Variants in NID1 observed in about 807,000 individuals in gnomAD.
NID1 encodes nidogen-1.
A neutral mutation model predicts 130.6 loss-of-function variants in NID1; 76 were observed. The ratio of observed to expected loss-of-function variants is 0.58; its 90% CI spans 0.48 to 0.70. NID1 has a LOEUF of 0.70. Ranked by LOEUF, NID1 falls within the 30% of genes least tolerant of loss-of-function variation. The pLI is 0.00. For synonymous variants in NID1, 665 were observed against 675.1 expected, an observed-to-expected ratio of 0.98 and a Z score of 0.23; for missense variants, 1,517 against 1,664.8, an observed-to-expected ratio of 0.91 and a Z score of 1.54.
At chr1:235,999,785 C>T (rs746862866) in intron 12 of NID1, among the ~76,000 whole-genome samples, 14 of 152,058 alleles carry the variant, frequency 9.2e-5, no homozygotes, top group Non-Finnish European at 1.6e-4. Context: ...ATTCCAAGTC[C>T]GCCTACCATC....
intron 9 of NID1, among the ~76,000 whole-genome samples, chr1:236,021,318 G>A (rs1332113049): frequency 1.3e-5 from 2 of 152,188 alleles, no homozygotes; most frequent in Non-Finnish European, 2.9e-5. Flanking sequence ...CCTCCCTAGC[G>A]ATACGTTACC....
chr1:236,059,052 T>C (rs780775579), intron 1 of NID1, among the ~76,000 whole-genome samples: 5 of 152,224 alleles, frequency 3.3e-5, no homozygotes, highest in Admixed American at 1.3e-4. Context: ...ATCCCTCTTT[T>C]CGCATACTTG....
intron 3 of NID1, among the ~76,000 whole-genome samples, chr1:236,043,544 A>G (rs757450349): frequency 1.6e-4 from 24 of 152,030 alleles, no homozygotes; most frequent in Non-Finnish European, 3.4e-4. Context: ...CACACCTGTA[A>G]TCCCAGCACT....
intron 1 of NID1, among the ~76,000 whole-genome samples, chr1:236,054,779 C>T (rs1286805469): frequency 3.3e-5 from 5 of 151,458 alleles, no homozygotes; most frequent in Non-Finnish European, 7.4e-5. Flanking sequence ...GTAGCTGGGA[C>T]TACAGGTGTG....
At chr1:236,041,804 T>C in intron 4 of NID1, 106 bp downstream of exon 4, 3 of 1,422,744 alleles carry the variant, frequency 2.1e-6, no homozygotes, top group Non-Finnish European at 2.8e-6. Flanking sequence ...CTCTTATCTT[T>C]ACAAACCACC....
intron 12 of NID1, among the ~76,000 whole-genome samples, chr1:235,999,837 A>T (rs550747739): frequency 1.7e-4 from 26 of 152,260 alleles, no homozygotes; most frequent in African/African-American, 6.3e-4. Context: ...TCCAAAGTCA[A>T]CCTATGAAAC....
At position 236,012,025 on chromosome 1, in the gene NID1, G is replaced by A. The variant is rs771262101; in HGVS notation, c.2423C>T (p.Pro808Leu). ...QACQDVDECQ[P>L]SRCHPDAFCY... is the part of the protein sequence containing the mutation. Reference sequence around the variant, plus strand: ...GAAGGCGTCAGGGTGACATCGGCTTGGCTGGCATTCATCTACATCTGTAAA... The same window carrying A: ...GAAGGCGTCAGGGTGACATCGGCTTAGCTGGCATTCATCTACATCTGTAAA... Residue 808 changes from proline to leucine, a missense_variant, in exon 12 of 20, where the codon CCA (proline) becomes CTA (leucine). This residue lies in a region of NID1 where 1,329 missense variants were observed against 1,429.2 expected (regional missense o/e 0.93). Transcript: ENST00000264187. 6.2e-7 allele frequency: 1 copy of A among 1,611,860 alleles called. No individual in the cohort carries two copies. The highest frequency in any genetic ancestry group is 2.2e-5 in the East Asian group (1 of 44,736).
At position 235,976,503 on chromosome 1, in the gene NID1, T is replaced by C. The variant is rs1010496634; in HGVS notation, c.*1364A>G. On this transcript the variant is annotated 3_prime_UTR_variant, in exon 20 of 20. Coordinates refer to ENST00000264187, the MANE Select transcript of NID1 (RefSeq NM_002508.3). ...AATCTCTTTTTTGTGATACTTTTCA[T>C]TGAATCATCTCGACTCCTTTATCCC... 2.6e-5 allele frequency: 4 copies of C among 152,214 alleles called. No individual in the cohort carries two copies. The highest frequency in any genetic ancestry group is 9.6e-5 in the African/African-American group (4 of 41,460). 9.4% of individuals were successfully genotyped at this position (152,214 alleles called of 1,614,324 possible). A position where few individuals can be genotyped will look rare whatever the true frequency, so the allele number is the denominator to read the frequency against.
At position 236,017,246 on chromosome 1, in the gene NID1, G is replaced by A; in HGVS notation, c.2156C>T (p.Ser719Leu). The change falls in exon 10 of 20, where the codon TCA becomes TTA. Residue 719 changes from serine to leucine, a missense_variant. Physicochemically the swap from Ser to Leu is moderately radical, Grantham distance 145 (BLOSUM62 -2). Coordinates refer to ENST00000264187, the MANE Select transcript of NID1 (RefSeq NM_002508.3). ...YDIDECSEQP[S>L]VCGSHTICNN... ...GCAGATTGTGTGGCTCCCACACACT[G>A]AGGGTTGTTCTGAACATTCATCAAT... 6.2e-7 allele frequency: 1 copy of A among 1,614,186 alleles called. No homozygotes were observed. The highest frequency in any genetic ancestry group is 8.5e-7 in the Non-Finnish European group (1 of 1,180,024).
intron 1 of NID1, among the ~76,000 whole-genome samples, chr1:236,054,404 C>T (rs1253537760): frequency 1.3e-5 from 2 of 151,976 alleles, no homozygotes; most frequent in Non-Finnish European, 2.9e-5. Context: ...TACAGTGAGC[C>T]GAGACTGCGT....
rs745733542 is a variant in NID1 at position 236,038,213 on chromosome 1, G to A, written c.1176C>T (p.Asn392=). ...YNTDSRQTCA[N]NRHQCSVHAE... ...CGTGCACCGAGCACTGGTGTCTGTT[G>A]TTAGCACACGTCTGGCGGGAATCCG... Residue 392 remains asparagine, a synonymous_variant, in exon 5 of 20, where the codon AAC becomes AAT. Transcript: ENST00000264187. 4.3e-6 allele frequency: 7 copies of A among 1,613,558 alleles called. No homozygotes were observed. Among genetic ancestry groups the A allele is most frequent in the Non-Finnish European group, 1.7e-6 (2 of 1,179,668 alleles).
At chr1:236,023,146 C>A (rs972602437) in intron 9 of NID1, among the ~76,000 whole-genome samples, 1 of 152,052 alleles carries the variant, frequency 6.6e-6, no homozygotes, top group South Asian at 2.1e-4. Context: ...AAAGCAGGAA[C>A]TTCAACAGAT....
chr1:235,992,273 A>T (rs1479033471), intron 13 of NID1, among the ~76,000 whole-genome samples: 1 of 152,062 alleles, frequency 6.6e-6, no homozygotes, highest in East Asian at 1.9e-4. Flanking sequence ...GACACAAACC[A>T]ATCTGGTCAA....
chr1:236,037,968 GAC>G (rs1290704364), intron 5 of NID1, 134 bp downstream of exon 5: 1 of 1,003,538 alleles, frequency 1.0e-6, no homozygotes, highest in Non-Finnish European at 1.4e-6. Context: ...AGGAAAGAGA[GAC>G]CATGTATGGC....
chr1:235,986,462 A>T (rs867924506), intron 14 of NID1, among the ~76,000 whole-genome samples: 20 of 152,170 alleles, frequency 1.3e-4, no homozygotes, highest in Middle Eastern at 3.4e-3. Context: ...ATATATAAGG[A>T]TAAACATTTT....
In NID1 at chr1:236,060,486, G is replaced by C. The variant is rs565276676; in HGVS notation, c.225+4369C>G. Among the ~76,000 whole-genome samples, 57 of 152,224 alleles carry C rather than the reference G, an allele frequency of 3.7e-4. No homozygotes were observed. The South Asian group carries it at 0.012, about 32-fold the overall frequency. The stretch of plus-strand genomic sequence containing the variant: ...AGGGAATGCAGTCCAGTAGGTCTCA[G>C]CCTCATTTTACCCAGCGCCTGTTCA... On this transcript the variant is annotated intron_variant, in intron 1 of 19. Coordinates refer to ENST00000264187, the MANE Select transcript of NID1 (RefSeq NM_002508.3).
chr1:235,989,683 A>G (rs1657673469), intron 14 of NID1, among the ~76,000 whole-genome samples: 1 of 152,272 alleles, frequency 6.6e-6, no homozygotes. Context: ...ACAAAGCAGC[A>G]TAAAGAGCTA....
chr1:236,001,552 G>A (rs1205011352), intron 12 of NID1, among the ~76,000 whole-genome samples: 1 of 152,172 alleles, frequency 6.6e-6, no homozygotes, highest in Non-Finnish European at 1.5e-5. Flanking sequence ...TCATCCTCAT[G>A]TTCCTAGGGG....
chr1:236,014,740 C>G (rs1658532934), intron 10 of NID1, among the ~76,000 whole-genome samples: 1 of 152,194 alleles, frequency 6.6e-6, no homozygotes, highest in East Asian at 1.9e-4. Context: ...CCATCATGCC[C>G]TGCACCAAGA....
Sources: gnomAD v4.1 joint callset for allele counts (sites outside exome capture counted in the v4.1 genomes callset) on GRCh38, gnomAD v4.1.1 for gene constraint, gnomAD v4.1.1 regional missense constraint, MANE v1.5 for transcripts, NCBI Gene and HGNC (gene_info 2026-07-23, HGNC 2026-07-21) for gene names.